The following FAAH2 variants were observed in gnomAD, a reference collection of about 807,000 sequenced individuals.
FAAH2 encodes the protein fatty-acid amide hydrolase 2.
A neutral mutation model predicts 36.9 loss-of-function variants in FAAH2; 60 were observed. The ratio of observed to expected loss-of-function variants is 1.63; its 90% CI spans 1.32 to 2.02. The LOEUF is 2.02. Ranked by LOEUF, FAAH2 falls within the 30% of genes most tolerant of loss-of-function variation. FAAH2 has a pLI of 0.00. For synonymous variants in FAAH2, 214 were observed against 143.8 expected, an observed-to-expected ratio of 1.49 and a Z score of -3.49; for missense variants, 689 against 397.5, an observed-to-expected ratio of 1.73 and a Z score of -6.23.
intron 10 of FAAH2, among the ~76,000 whole-genome samples, chrX:57,487,202 C>T (rs981557517): frequency 2.7e-5 from 3 of 110,290 alleles, no homozygotes; most frequent in African/African-American, 9.9e-5. Context: ...AACATGAGTA[C>T]ATCTTCATGA....
chrX:57,146,793 A>G, the FAAH2 span, among the ~76,000 whole-genome samples: 1 of 111,825 alleles, frequency 8.9e-6, no homozygotes, highest in Non-Finnish European at 1.9e-5. Context: ...GGCTTTTGTC[A>G]AATGCTTTTT....
chrX:57,172,513 G>A, the FAAH2 span, among the ~76,000 whole-genome samples: 1 of 111,955 alleles, frequency 8.9e-6, no homozygotes, highest in Non-Finnish European at 1.9e-5. Context: ...TCTATAGGTG[G>A]CTTGTGTTAA....
the FAAH2 span, among the ~76,000 whole-genome samples, chrX:57,241,573 C>T: frequency 5.7e-4 from 63 of 111,372 alleles, no homozygotes; most frequent in Non-Finnish European, 9.8e-4. Context: ...ATAGTTTTGG[C>T]GGTACAGGTG....
At chrX:57,481,598 C>T (rs1306456495) in intron 10 of FAAH2, among the ~76,000 whole-genome samples, 1 of 112,059 alleles carries the variant, frequency 8.9e-6, no homozygotes. Context: ...TTGCTGCCTG[C>T]TCCTTCCTCT....
chrX:57,232,634 T>C, the FAAH2 span, among the ~76,000 whole-genome samples: 1 of 112,449 alleles, frequency 8.9e-6, no homozygotes, highest in Non-Finnish European at 1.9e-5. Context: ...GTAACTAAGA[T>C]AGACATATTC....
intron 5 of FAAH2, among the ~76,000 whole-genome samples, chrX:57,363,228 TG>T (rs1304442082): frequency 8.9e-6 from 1 of 112,072 alleles, no homozygotes; most frequent in East Asian, 2.8e-4. Flanking sequence ...TTACTTTTTT[TG>T]TCATCTCTGA....
the FAAH2 span, among the ~76,000 whole-genome samples, chrX:57,272,511 G>A: frequency 6.3e-5 from 7 of 111,938 alleles, no homozygotes; most frequent in Admixed American, 6.6e-4. Flanking sequence ...AGAGAAAAAA[G>A]TCAGGTTACC....
At chrX:57,478,550 G>T (rs2057316958) in intron 10 of FAAH2, among the ~76,000 whole-genome samples, 1 of 111,814 alleles carries the variant, frequency 8.9e-6, no homozygotes, top group Non-Finnish European at 1.9e-5. Flanking sequence ...TTTTAGACAT[G>T]ATGTCCTTGC....
intron 10 of FAAH2, among the ~76,000 whole-genome samples, chrX:57,457,073 C>A (rs1461357915): frequency 9.0e-6 from 1 of 111,642 alleles, no homozygotes; most frequent in African/African-American, 3.3e-5. Context: ...AAACTAAATC[C>A]ACCAGCATAT....
At chrX:57,323,007 C>A (rs1415549312) in intron 3 of FAAH2, among the ~76,000 whole-genome samples, 3 of 110,319 alleles carry the variant, frequency 2.7e-5, no homozygotes, top group Non-Finnish European at 3.8e-5. Context: ...CAACAGGCCC[C>A]AGTGTGTGAT....
intron 5 of FAAH2, among the ~76,000 whole-genome samples, chrX:57,362,398 T>C (rs2054307442): frequency 9.0e-6 from 1 of 111,074 alleles, no homozygotes; most frequent in East Asian, 2.8e-4. Flanking sequence ...AAATACCTAA[T>C]GTAGATGACG....
intron 7 of FAAH2, chrX:57,394,636 G>T: frequency 9.6e-7 from 1 of 1,039,536 alleles, no homozygotes; most frequent in Non-Finnish European, 1.3e-6. Flanking sequence ...CACCAGGAAC[G>T]GGCCTCGTCG....
chrX:57,267,750 C>T, the FAAH2 span, among the ~76,000 whole-genome samples: 14 of 111,990 alleles, frequency 1.3e-4, no homozygotes, highest in Non-Finnish European at 2.4e-4. Context: ...AGGTTGGATC[C>T]CCTAAAATCT....
At chrX:57,323,453 T>G (rs758171096) in intron 3 of FAAH2, among the ~76,000 whole-genome samples, 166 of 111,650 alleles carry the variant, frequency 1.5e-3, no homozygotes, top group East Asian at 4.8e-3. Context: ...CCCACCAACA[T>G]TGTAAAAGTG....
In FAAH2 at chrX:57,480,351, CA is replaced by C. The variant is rs767289607; in HGVS notation, c.1424-8401del. On this transcript the variant is annotated intron_variant, in intron 10 of 10. Coordinates refer to ENST00000374900, the MANE Select transcript of FAAH2 (RefSeq NM_174912.4). Reference sequence around the variant, plus strand: ...CCAATATCCTCGATGAACATTGATGCAAAAATCCTTAATAAAACACTGGCAA... The same window carrying C: ...CCAATATCCTCGATGAACATTGATGCAAAATCCTTAATAAAACACTGGCAA... 5.4e-5 allele frequency among the ~76,000 whole-genome samples: 6 copies of C among 111,967 alleles called. No homozygotes were observed. In the East Asian group the frequency reaches 1.7e-3, roughly 31 times the overall value.
the FAAH2 span, among the ~76,000 whole-genome samples, chrX:57,268,970 C>A: frequency 9.0e-6 from 1 of 111,602 alleles, no homozygotes; most frequent in Non-Finnish European, 1.9e-5. Flanking sequence ...CAAGACCCAT[C>A]AGTATGCTGT....
chrX:57,306,230 G>A (rs1030952795), intron 2 of FAAH2, among the ~76,000 whole-genome samples: 2 of 111,945 alleles, frequency 1.8e-5, no homozygotes, highest in African/African-American at 6.5e-5. Context: ...CAAGTAGACA[G>A]TATGTATCTG....
At chrX:57,472,427 G>T (rs770144318) in intron 10 of FAAH2, among the ~76,000 whole-genome samples, 1 of 111,388 alleles carries the variant, frequency 9.0e-6, no homozygotes, top group East Asian at 2.8e-4. Context: ...CAAGTGTCCT[G>T]TAGTTTTTTT....
the FAAH2 span, among the ~76,000 whole-genome samples, chrX:57,177,779 G>A: frequency 9.2e-6 from 1 of 108,252 alleles, no homozygotes; most frequent in Admixed American, 1.0e-4. Flanking sequence ...ATGAGTGCCT[G>A]GGCTGTCTGA....
Sources: allele counts gnomAD v4.1 joint callset (sites outside exome capture counted in the v4.1 genomes callset), GRCh38; gene constraint gnomAD v4.1.1; transcripts MANE v1.5; gene names NCBI Gene and HGNC (gene_info 2026-07-23, HGNC 2026-07-21).